Variants in OLFM3 observed in about 807,000 individuals in gnomAD.
OLFM3 encodes noelin-3.
A neutral mutation model predicts 48.6 loss-of-function variants in OLFM3; 20 were observed. That is an observed-to-expected ratio of 0.41 (90% CI 0.29 to 0.60). The LOEUF (loss-of-function observed/expected upper bound fraction) is 0.60. Ranked by LOEUF, OLFM3 falls within the 20% of genes least tolerant of loss-of-function variation. OLFM3 has a pLI of 0.28. For missense variants in OLFM3, 437 were observed against 544.3 expected, an observed-to-expected ratio of 0.80 and a Z score of 1.96; for synonymous variants, 222 against 198.1, an observed-to-expected ratio of 1.12 and a Z score of -1.01.
chr1:101,888,877 T>G (rs2101001843), intron 1 of OLFM3, among the ~76,000 whole-genome samples: 1 of 152,302 alleles, frequency 6.6e-6, no homozygotes, highest in South Asian at 2.1e-4. Context: ...AAGACATTTA[T>G]GCAGCCAACA....
intron 3 of OLFM3, among the ~76,000 whole-genome samples, chr1:101,826,181 A>G (rs1654857605): frequency 6.9e-6 from 1 of 143,902 alleles, no homozygotes; most frequent in Non-Finnish European, 1.5e-5. Context: ...CACACAGTGT[A>G]TGTTGTCAAG....
chr1:101,932,191 G>C (rs939975176), intron 1 of OLFM3, among the ~76,000 whole-genome samples: 1 of 152,118 alleles, frequency 6.6e-6, no homozygotes, highest in Non-Finnish European at 1.5e-5. Context: ...AAACTTTAGT[G>C]TTCCCAAGAA....
chr1:101,990,467 A>G (rs1661368086), intron 1 of OLFM3, among the ~76,000 whole-genome samples: 1 of 152,184 alleles, frequency 6.6e-6, no homozygotes, highest in South Asian at 2.1e-4. Flanking sequence ...TTTCACATGT[A>G]TTAATATCAT....
chr1:101,909,075 T>C (rs1368543468), intron 1 of OLFM3, among the ~76,000 whole-genome samples: 2 of 152,236 alleles, frequency 1.3e-5, no homozygotes, highest in South Asian at 2.1e-4. Context: ...CTTCTTTCTT[T>C]AGCTGTTGCT....
At chr1:101,866,494 C>A (rs1656862249) in intron 1 of OLFM3, among the ~76,000 whole-genome samples, 1 of 151,860 alleles carries the variant, frequency 6.6e-6, no homozygotes, top group Non-Finnish European at 1.5e-5. Flanking sequence ...ATGCTTGCTT[C>A]ATAAAAGCGT....
At chr1:101,846,775 C>G in intron 1 of OLFM3, 1 of 1,158,976 alleles carries the variant, frequency 8.6e-7, no homozygotes, top group South Asian at 1.3e-5. Flanking sequence ...TTAGCCTTTG[C>G]AATTTACAAA....
chr1:101,907,830 C>T (rs1658603810), intron 1 of OLFM3, among the ~76,000 whole-genome samples: 1 of 152,120 alleles, frequency 6.6e-6, no homozygotes, highest in African/African-American at 2.4e-5. Context: ...CTCTATTTCC[C>T]TTAAAATAAT....
At chr1:101,850,948 G>T (rs1326687874) in intron 1 of OLFM3, among the ~76,000 whole-genome samples, 2 of 151,876 alleles carry the variant, frequency 1.3e-5, no homozygotes, top group Non-Finnish European at 2.9e-5. Flanking sequence ...TAAGAAGGAG[G>T]ACAGCAATTG....
At chr1:101,873,068 T>TA (rs1455869495) in intron 1 of OLFM3, among the ~76,000 whole-genome samples, 3 of 151,942 alleles carry the variant, frequency 2.0e-5, no homozygotes, top group African/African-American at 7.2e-5. Flanking sequence ...AGTGAATTGC[T>TA]AAAATAAGAT....
At chr1:101,832,105 A>G (rs1557693715) in intron 2 of OLFM3, among the ~76,000 whole-genome samples, 1 of 152,112 alleles carries the variant, frequency 6.6e-6, no homozygotes, top group African/African-American at 2.4e-5. Flanking sequence ...GTTTCATCAC[A>G]TTGATGACTA....
chr1:101,893,742 A>G (rs1422138058), intron 1 of OLFM3: 3 of 154,008 alleles, frequency 1.9e-5, no homozygotes, highest in African/African-American at 7.2e-5. Context: ...GCATGTGTTA[A>G]ATGAAGGCAG....
rs139295818 is a variant in OLFM3, at chr1:101,978,329, G to T, written c.69+18419C>A. Among the ~76,000 whole-genome samples, 4 of 152,102 alleles carry T rather than the reference G, an allele frequency of 2.6e-5. No individual in the cohort carries two copies. The East Asian group carries it at 5.8e-4, about 22-fold the overall frequency. ...CCCACAAAGATTAAAGATAAGATAC[G>T]GAAAAGAAAAGGTATGAGCGTTCTT... On this transcript the variant is annotated intron_variant, in intron 1 of 5. Coordinates refer to ENST00000370103, the MANE Select transcript of OLFM3 (RefSeq NM_058170.4).
chr1:101,843,217 T>C (rs1655814839), intron 1 of OLFM3, among the ~76,000 whole-genome samples: 1 of 152,150 alleles, frequency 6.6e-6, no homozygotes, highest in African/African-American at 2.4e-5. Flanking sequence ...CCTTTGAAAA[T>C]GTACCAAAAC....
chr1:101,919,394 C>T (rs12078053), intron 1 of OLFM3, among the ~76,000 whole-genome samples: 5 of 152,152 alleles, frequency 3.3e-5, no homozygotes, highest in South Asian at 4.1e-4. Flanking sequence ...TATACGGAAA[C>T]GTAATTTTAG....
rs115194458 is a variant in OLFM3, at chr1:101,811,254, A to G, written c.593-5072T>C. ...TCTGTAAAAATTTATGGCAACTTCA[A>G]GTTCTTTCTATTGTCCAAGTGAATA... On this transcript the variant is annotated intron_variant, in intron 4 of 5. Transcript: ENST00000370103. 6.2e-3 allele frequency among the ~76,000 whole-genome samples: 945 copies of G among 152,190 alleles called. 11 individuals carry two copies. The highest frequency in any genetic ancestry group is 0.022 in the African/African-American group (907 of 41,546).
At chr1:101,808,312 G>A (rs1653878608) in intron 4 of OLFM3, among the ~76,000 whole-genome samples, 1 of 151,832 alleles carries the variant, frequency 6.6e-6, no homozygotes, top group Non-Finnish European at 1.5e-5. Flanking sequence ...AGCCATTAGT[G>A]AAGAAGTTTT....
intron 1 of OLFM3, among the ~76,000 whole-genome samples, chr1:101,935,915 T>C (rs1420509471): frequency 1.3e-5 from 2 of 152,130 alleles, no homozygotes; most frequent in African/African-American, 4.8e-5. Context: ...TTCAATAAAA[T>C]TCAACGTCCC....
intron 3 of OLFM3, among the ~76,000 whole-genome samples, chr1:101,826,834 A>AT (rs1266843273): frequency 6.6e-6 from 1 of 152,190 alleles, no homozygotes; most frequent in Non-Finnish European, 1.5e-5. Flanking sequence ...TGTGGTTATC[A>AT]TTTTCTGCAC....
chr1:101,992,285 CT>C (rs1661434007), intron 1 of OLFM3, among the ~76,000 whole-genome samples: 1 of 152,142 alleles, frequency 6.6e-6, no homozygotes, highest in Admixed American at 6.5e-5. Context: ...TACCATTTAA[CT>C]GTTTCTAGTT....
Sources: allele counts gnomAD v4.1 joint callset (sites outside exome capture counted in the v4.1 genomes callset), GRCh38; gene constraint gnomAD v4.1.1; transcripts MANE v1.5; gene names NCBI Gene and HGNC (gene_info 2026-07-23, HGNC 2026-07-21).